The following RIC1 variants were observed in gnomAD, a reference collection of about 807,000 sequenced individuals.
The protein encoded by RIC1 is guanine nucleotide exchange factor subunit RIC1.
RIC1 carries 88 observed loss-of-function variants against 169.0 expected under a neutral mutation model. The ratio of observed to expected loss-of-function variants is 0.52; its 90% CI spans 0.44 to 0.62. RIC1 has a LOEUF of 0.62. RIC1 is among the 20% of genes least tolerant of loss of function. RIC1 has a pLI of 0.00. For missense variants in RIC1, 1,877 were observed against 1,725.5 expected (o/e 1.09, Z -1.56); for synonymous variants, 790 against 601.5 (o/e 1.31, Z -4.59).
At chr9:5,746,185 T>C (rs1825367779) in intron 11 of RIC1, 102 bp downstream of exon 11, 2 of 735,516 alleles carry the variant, frequency 2.7e-6, no homozygotes, top group Admixed American at 5.6e-5. Context: ...AATTGGCATA[T>C]TATCTTCTTT....
At chr9:5,716,963 G>T (rs1031764867) in intron 4 of RIC1, among the ~76,000 whole-genome samples, 3 of 152,160 alleles carry the variant, frequency 2.0e-5, no homozygotes, top group African/African-American at 7.2e-5. Context: ...AAGCCACCAC[G>T]CCTGGCTCAG....
At chr9:5,738,625 A>G in intron 8 of RIC1, 87 bp downstream of exon 8, 3 of 751,048 alleles carry the variant, frequency 4.0e-6, no homozygotes, top group African/African-American at 1.8e-5. Flanking sequence ...AAGTTAAACA[A>G]TACATGTCAT....
chr9:5,754,988 A>T (rs7038447), intron 15 of RIC1, 58 bp downstream of exon 15: 416,132 of 1,066,242 alleles, frequency 0.39, 84,097 homozygotes, highest in East Asian at 0.61. Flanking sequence ...TTAAGCATGA[A>T]TTAATTTTAT....
At chr9:5,749,003 G>T (rs1825558469) in intron 12 of RIC1, among the ~76,000 whole-genome samples, 1 of 152,040 alleles carries the variant, frequency 6.6e-6, no homozygotes, top group Non-Finnish European at 1.5e-5. Flanking sequence ...GTTTTGTACT[G>T]CTGAAACAAT....
intron 1 of RIC1, among the ~76,000 whole-genome samples, chr9:5,652,178 G>A (rs1586883312): frequency 6.6e-6 from 1 of 152,132 alleles, no homozygotes; most frequent in East Asian, 1.9e-4. Context: ...GTTCAAGATT[G>A]CTTTGGCTAT....
Position 5,769,207 on chromosome 9 carries a change from C to T in RIC1, c.3375C>T (p.Ile1125=), listed in dbSNP as rs1209772044. Residue 1125 remains isoleucine, a synonymous_variant, in exon 22 of 26, where the codon ATC becomes ATT. Coordinates refer to ENST00000414202, the MANE Select transcript of RIC1 (RefSeq NM_020829.4). ...HKDFLWPLPI[I]PASSISSPFK... ...ATTTCCTGTGGCCACTTCCAATCAT[C>T]CCAGCCTCTTCTATCAGTTCTCCTT... 6.2e-7 allele frequency: 1 copy of T among 1,614,012 alleles called. No homozygotes were observed. Among genetic ancestry groups the T allele is most frequent in the African/African-American group, 1.3e-5 (1 of 74,912 alleles).
In RIC1 at chr9:5,769,514, G is replaced by C. The variant is rs1586729364; in HGVS notation, c.3424+258G>C. The C allele has an allele frequency of 1.3e-5, 17 of 1,295,254 alleles. No individual in the cohort carries two copies. In the East Asian group the frequency reaches 4.5e-4, roughly 34 times the overall value. The allele number at this position is 1,295,254 out of a possible 1,614,324, so 80.2% of individuals were successfully genotyped here. A position where few individuals can be genotyped will look rare whatever the true frequency, so the allele number is the denominator to read the frequency against. On this transcript the variant is annotated intron_variant, in intron 22 of 25. Transcript: ENST00000414202. ...ATCATACTTGGATTATAAAGAAGTT[G>C]AGAACTGCCTGAATATAAAAGCTAC...
At chr9:5,728,192 C>G (rs7039093) in intron 6 of RIC1, among the ~76,000 whole-genome samples, 59,372 of 152,110 alleles carry the variant, frequency 0.39, 13,597 homozygotes, top group East Asian at 0.85. Flanking sequence ...TGGGCTCCAC[C>G]CACTTGGAGC....
intron 3 of RIC1, among the ~76,000 whole-genome samples, chr9:5,700,046 T>C (rs1822124598): frequency 6.6e-6 from 1 of 151,926 alleles, no homozygotes; most frequent in Non-Finnish European, 1.5e-5. Context: ...CACTGGTTTC[T>C]TGTCTCTCAG....
chr9:5,737,284 G>T (rs999722330), intron 7 of RIC1, among the ~76,000 whole-genome samples: 1 of 151,994 alleles, frequency 6.6e-6, no homozygotes, highest in Non-Finnish European at 1.5e-5. Flanking sequence ...TCAGAAATTT[G>T]ACCCTTGTAA....
chr9:5,683,842 T>A (rs1337064540), intron 2 of RIC1, among the ~76,000 whole-genome samples: 1 of 152,208 alleles, frequency 6.6e-6, no homozygotes, highest in African/African-American at 2.4e-5. Flanking sequence ...GCCTCGGGAA[T>A]GGCGGGCGCC....
At chr9:5,752,963 C>G (rs1377707484) in intron 12 of RIC1, among the ~76,000 whole-genome samples, 3 of 152,020 alleles carry the variant, frequency 2.0e-5, no homozygotes, top group African/African-American at 7.2e-5. Context: ...TTAAAACAAA[C>G]AGAAACATAA....
chr9:5,642,815 G>T (rs958118182), intron 1 of RIC1, among the ~76,000 whole-genome samples: 3 of 152,118 alleles, frequency 2.0e-5, no homozygotes, highest in African/African-American at 7.2e-5. Context: ...ATCATAGTAA[G>T]CAAAGTTTCC....
At chr9:5,701,107 G>A (rs1328246118) in intron 3 of RIC1, among the ~76,000 whole-genome samples, 2 of 152,154 alleles carry the variant, frequency 1.3e-5, no homozygotes, top group Non-Finnish European at 2.9e-5. Flanking sequence ...ATTAGTGCAA[G>A]TAAACAATAA....
intron 1 of RIC1, among the ~76,000 whole-genome samples, chr9:5,655,630 A>T (rs1423951276): frequency 1.3e-5 from 2 of 151,720 alleles, no homozygotes; most frequent in Non-Finnish European, 2.9e-5. Flanking sequence ...TGGTTGTTAG[A>T]TTTGTTAAGT....
At chr9:5,655,444 G>T (rs1819037648) in intron 1 of RIC1, among the ~76,000 whole-genome samples, 1 of 152,054 alleles carries the variant, frequency 6.6e-6, no homozygotes, top group Admixed American at 6.6e-5. Context: ...GGCATTATAG[G>T]CGCCTGCCAC....
chr9:5,724,993 A>C (rs183813086), intron 6 of RIC1, among the ~76,000 whole-genome samples: 3 of 152,288 alleles, frequency 2.0e-5, no homozygotes, highest in African/African-American at 7.2e-5. Flanking sequence ...ATCATTGTTC[A>C]TAAGGGATAT....
At chr9:5,681,083 C>A (rs1206509246) in intron 2 of RIC1, among the ~76,000 whole-genome samples, 3 of 151,974 alleles carry the variant, frequency 2.0e-5, no homozygotes, top group African/African-American at 7.3e-5. Context: ...GCCTCGGCCT[C>A]CCAAAGTGCT....
intron 3 of RIC1, among the ~76,000 whole-genome samples, chr9:5,709,623 T>C (rs1020183855): frequency 6.6e-6 from 1 of 152,228 alleles, no homozygotes; most frequent in Non-Finnish European, 1.5e-5. Context: ...GCTTTCATAA[T>C]CTGGCTTCAA....
Sources: gnomAD v4.1 joint callset for allele counts (sites outside exome capture counted in the v4.1 genomes callset) on GRCh38, gnomAD v4.1.1 for gene constraint, MANE v1.5 for transcripts, NCBI Gene and HGNC (gene_info 2026-07-23, HGNC 2026-07-21) for gene names.